Variants in KCTD14 observed in about 807,000 individuals in gnomAD.
The protein encoded by KCTD14 is BTB/POZ domain-containing protein KCTD14.
Under a neutral mutation model 5.9 loss-of-function variants are expected in KCTD14, and 7 were observed. The observed-to-expected ratio is 1.19, with a 90% confidence interval of 0.68 to 2.23. KCTD14 has a LOEUF of 2.23. Among genes scored for constraint, KCTD14 ranks in the 30% most tolerant of loss-of-function variants. The probability of loss-of-function intolerance (pLI) is 0.00; values close to 1 mark genes in which losing one functional copy is unlikely to be tolerated. For synonymous variants in KCTD14, 140 were observed against 133.1 expected, an observed-to-expected ratio of 1.05 and a Z score of -0.36; for missense variants, 342 against 332.2, an observed-to-expected ratio of 1.03 and a Z score of -0.23.
chr11:78,045,934 G>T, intron 1 of KCTD14: 2 of 182,250 alleles, frequency 1.1e-5, no homozygotes, highest in Non-Finnish European at 2.1e-5. Flanking sequence ...GAGCAGAAGA[G>T]CTGGGTGAGG....
chr11:78,041,446 A>G (rs1203917215), intron 1 of KCTD14, among the ~76,000 whole-genome samples: 1 of 152,196 alleles, frequency 6.6e-6, no homozygotes, highest in African/African-American at 2.4e-5. Flanking sequence ...ATCAGATAGT[A>G]AGGAGAGCTC....
At chr11:78,033,845 CA>C (rs60386490) in intron 2 of KCTD14, among the ~76,000 whole-genome samples, 47,677 of 132,558 alleles carry the variant, frequency 0.36, 8,633 homozygotes, top group Admixed American at 0.45. Context: ...GACTCCATCT[CA>C]AAAAAAAAAA....
chr11:78,031,826 C>A (rs191479759), intron 2 of KCTD14, among the ~76,000 whole-genome samples: 3 of 152,300 alleles, frequency 2.0e-5, no homozygotes, highest in Admixed American at 6.5e-5. Context: ...AATTGAATAA[C>A]CACAGAAATG....
Position 78,015,719 on chromosome 11 carries a change from G to A in KCTD14, c.*874C>T, listed in dbSNP as rs949568170. Reference sequence around the variant, plus strand: ...AAGCAGAACCAAAACTGAGACTCTCGTGCAAGTGGTTTATTGATGGAGTGC... The same window carrying A: ...AAGCAGAACCAAAACTGAGACTCTCATGCAAGTGGTTTATTGATGGAGTGC... On this transcript the variant is annotated 3_prime_UTR_variant, in exon 2 of 2. Coordinates refer to ENST00000353172, the MANE Select transcript of KCTD14 (RefSeq NM_023930.4). 6.6e-6 allele frequency: 1 copy of A among 152,316 alleles called. No homozygotes were observed. The highest frequency in any genetic ancestry group is 1.9e-4 in the East Asian group (1 of 5,198). 9.4% of individuals were successfully genotyped at this position (152,316 alleles called of 1,614,324 possible). A position where few individuals can be genotyped will look rare whatever the true frequency, so the allele number is the denominator to read the frequency against.
rs142175383 is a variant in KCTD14, at chr11:78,017,115, G to A, written c.246C>T (p.Pro82=). 37 of 1,614,182 alleles carry A rather than the reference G, an allele frequency of 2.3e-5. No individual in the cohort carries two copies. The highest frequency in any genetic ancestry group is 2.9e-5 in the Non-Finnish European group (34 of 1,180,030). ...DAEGRFFIDR[P]STYFRPILDY... ...CCAGGATGGGTCTGAAATAGGTGCT[G>A]GGGCGGTCGATGAAGAAGCGGCCCT... The change falls in exon 2 of 2, where the codon CCC becomes CCT. Residue 82 remains proline, a synonymous_variant. Coordinates refer to ENST00000353172, the MANE Select transcript of KCTD14 (RefSeq NM_023930.4).
At chr11:78,031,934 ATCACAGATAATGGTGGC>A (rs1212634951) in intron 2 of KCTD14, among the ~76,000 whole-genome samples, 10 of 152,246 alleles carry the variant, frequency 6.6e-5, no homozygotes, top group African/African-American at 2.4e-4. Context: ...GTAATGGTGG[ATCACAGATAATGGTGGC>A]TCACAGATAA....
intron 2 of KCTD14, among the ~76,000 whole-genome samples, chr11:78,028,371 G>A (rs149296689): frequency 4.7e-4 from 72 of 152,308 alleles, no homozygotes; most frequent in African/African-American, 1.6e-3. Context: ...TTGGGAGGCT[G>A]AGGCGGGTGG....
chr11:78,042,453 A>T (rs1858020593), intron 1 of KCTD14, among the ~76,000 whole-genome samples: 1 of 152,138 alleles, frequency 6.6e-6, no homozygotes, highest in Admixed American at 6.6e-5. Context: ...GGTTGCAGTG[A>T]GCCAAGATCC....
chr11:78,044,804 G>C (rs1858089722), intron 1 of KCTD14, among the ~76,000 whole-genome samples: 1 of 152,152 alleles, frequency 6.6e-6, no homozygotes, highest in Non-Finnish European at 1.5e-5. Flanking sequence ...GACCAAGCAG[G>C]TGACTTGAGA....
intron 2 of KCTD14, among the ~76,000 whole-genome samples, chr11:78,030,357 G>A (rs571977767): frequency 2.6e-5 from 4 of 152,248 alleles, no homozygotes; most frequent in Admixed American, 6.5e-5. Context: ...ACCAGGAGAC[G>A]AGAGAGCAGG....
chr11:78,041,801 A>G (rs946709868), intron 1 of KCTD14, among the ~76,000 whole-genome samples: 12 of 152,162 alleles, frequency 7.9e-5, no homozygotes, highest in Admixed American at 2.0e-4. Flanking sequence ...GCCACTCCCA[A>G]TCGTGCTAAA....
intron 2 of KCTD14, among the ~76,000 whole-genome samples, chr11:78,031,685 G>T (rs1857621732): frequency 6.6e-6 from 1 of 152,140 alleles, no homozygotes; most frequent in Non-Finnish European, 1.5e-5. Context: ...ACAGCACCCA[G>T]CCCGTAATCC....
chr11:78,038,710 G>A (rs1440788637), exon 2 of KCTD14: 4 of 1,535,752 alleles, frequency 2.6e-6, no homozygotes, highest in East Asian at 4.9e-5. Context: ...CACAGCAGGG[G>A]TGTCAGAGAG....
chr11:78,032,091 G>GC (rs1292978150), intron 2 of KCTD14, among the ~76,000 whole-genome samples: 1 of 152,194 alleles, frequency 6.6e-6, no homozygotes. Context: ...GAGTTTTGAT[G>GC]CCCCTACCAT....
intron 2 of KCTD14, among the ~76,000 whole-genome samples, chr11:78,036,915 C>T (rs1857818514): frequency 6.6e-6 from 1 of 152,212 alleles, no homozygotes; most frequent in African/African-American, 2.4e-5. Flanking sequence ...TATTAATTGC[C>T]TGCCCAATGC....
Position 78,017,066 on chromosome 11 carries a change from G to A in KCTD14, c.295C>T (p.Pro99Ser). Residue 99 changes from proline (P) to serine (S), a missense_variant, in exon 2 of 2, where the codon CCC becomes TCC. By Grantham distance (74) the Pro-to-Ser change is moderately conservative (BLOSUM62 -1). Coordinates refer to ENST00000353172, the MANE Select transcript of KCTD14 (RefSeq NM_023930.4). ...TACACTTCAGGGATGTGCTGTGTGG[G>A]CACTTGCCCAGTGCGCAGGTAGTCC... ...ILDYLRTGQV[P>S]TQHIPEVYRE... 6.2e-7 allele frequency: 1 copy of A among 1,614,236 alleles called. No individual in the cohort carries two copies. Among genetic ancestry groups the A allele is most frequent in the Non-Finnish European group, 8.5e-7 (1 of 1,180,042 alleles).
At chr11:78,021,371 C>T (rs1471589872) in intron 1 of KCTD14, among the ~76,000 whole-genome samples, 1 of 145,836 alleles carries the variant, frequency 6.9e-6, no homozygotes, top group Admixed American at 6.9e-5. Flanking sequence ...CTTTATCAAA[C>T]AAGACCTCAG....
At chr11:78,017,303 G>T in intron 1 of KCTD14, 33 bp from the exon 2 acceptor site, 1 of 1,547,984 alleles carries the variant, frequency 6.5e-7, no homozygotes, top group Non-Finnish European at 8.7e-7. Context: ...AAACCAACAC[G>T]CCATCTCCCC....
chr11:78,029,646 T>G (rs573113644), intron 2 of KCTD14, among the ~76,000 whole-genome samples: 4 of 152,264 alleles, frequency 2.6e-5, no homozygotes, highest in African/African-American at 7.2e-5. Context: ...CTGAGTTGTT[T>G]GCAAAATAAA....
Sources: gnomAD v4.1 joint callset for allele counts (sites outside exome capture counted in the v4.1 genomes callset) on GRCh38, gnomAD v4.1.1 for gene constraint, MANE v1.5 for transcripts, NCBI Gene and HGNC (gene_info 2026-07-23, HGNC 2026-07-21) for gene names.